The following STON1 variants were observed in gnomAD, a reference collection of about 807,000 sequenced individuals.
The protein encoded by STON1 is stonin 1, also known as stonin-1.
STON1 carries 79 observed loss-of-function variants against 60.9 expected under a neutral mutation model. That is an observed-to-expected ratio of 1.30 (90% CI 1.08 to 1.56). The LOEUF (loss-of-function observed/expected upper bound fraction) is 1.56. Among genes scored for constraint, STON1 ranks in the 40% most tolerant of loss-of-function variants. The pLI is 0.00. For synonymous variants in STON1, 363 were observed against 306.9 expected (o/e 1.18, Z -1.91); for missense variants, 1,166 against 858.9 (o/e 1.36, Z -4.47).
intron 3 of STON1, among the ~76,000 whole-genome samples, chr2:48,593,953 G>A (rs755026873): frequency 3.9e-5 from 6 of 152,188 alleles, no homozygotes; most frequent in African/African-American, 9.7e-5. Flanking sequence ...TGCCTTTCCT[G>A]AGGTCATGCC....
intron 1 of STON1, among the ~76,000 whole-genome samples, chr2:48,549,633 G>A (rs1672007241): frequency 6.6e-6 from 1 of 151,938 alleles, no homozygotes; most frequent in Non-Finnish European, 1.5e-5. Context: ...CCAACATGGT[G>A]AAACCCCTTC....
Position 48,554,880 on chromosome 2 carries a change from G to T in STON1, c.-48+24664G>T, listed in dbSNP as rs1007712673. Among the ~76,000 whole-genome samples, 2 of 72,516 alleles carry T rather than the reference G, an allele frequency of 2.8e-5. 1 individual carries two copies. Among genetic ancestry groups the T allele is most frequent in the Non-Finnish European group, 5.6e-5 (2 of 36,004 alleles). The allele number at this position is 72,516 out of a possible 152,430, so 47.6% of individuals were successfully genotyped here. ...TAGGCAGAGGACCCTGCGGCCTTCC[G>T]CAGTGTTTGTGTCCCTGATTACTTG... On this transcript the variant is annotated intron_variant, in intron 1 of 3. Coordinates refer to ENST00000404752, the MANE Select transcript of STON1 (RefSeq NM_006873.4).
In STON1 at chr2:48,581,148, A is replaced by C. The variant is rs1673857125; in HGVS notation, c.515A>C (p.Gln172Pro). The change falls in exon 2 of 4, where the codon CAG becomes CCG. Residue 172 changes from glutamine to proline, a missense_variant. Transcript: ENST00000404752. The stretch of plus-strand genomic sequence containing the variant: ...GGATTCCAAAGTGATGATCTCCCCC[A>C]GTTTCAGTATTTTCGAGAGGACTGT... The part of the protein sequence containing the change: ...SLGFQSDDLP[Q>P]FQYFREDCAF... 6.4e-7 allele frequency: 1 copy of C among 1,566,460 alleles called. No individual in the cohort carries two copies. Among genetic ancestry groups the C allele is most frequent in the Admixed American group, 2.1e-5 (1 of 48,738 alleles).
rs1355808992 is a variant in STON1, at chr2:48,581,325, A to G, written c.692A>G (p.Glu231Gly). The G allele has an allele frequency of 2.0e-6, 3 of 1,533,258 alleles. No individual in the cohort carries two copies. Among genetic ancestry groups the G allele is most frequent in the Middle Eastern group, 3.5e-4 (2 of 5,664 alleles). 95.0% of individuals were successfully genotyped at this position (1,533,258 alleles called of 1,614,324 possible). ...AAGTGTTCACTCAACTATATCTGTG[A>G]GAAGCTTGAACATCTCCAGTCAGCT... ...LNKCSLNYIC[E>G]KLEHLQSAEN... Residue 231 changes from glutamate (E) to glycine (G), a missense_variant, in exon 2 of 4, where the codon GAG becomes GGG. Coordinates refer to ENST00000404752, the MANE Select transcript of STON1 (RefSeq NM_006873.4).
intron 2 of STON1, among the ~76,000 whole-genome samples, chr2:48,584,305 A>T (rs913139185): frequency 6.6e-6 from 1 of 151,546 alleles, no homozygotes; most frequent in Non-Finnish European, 1.5e-5. Flanking sequence ...ATGGAGTCTT[A>T]CTCTGTTGCT....
intron 1 of STON1, among the ~76,000 whole-genome samples, chr2:48,536,581 G>C (rs964667737): frequency 2.1e-5 from 3 of 146,278 alleles, no homozygotes; most frequent in African/African-American, 5.0e-5. Context: ...AGTTAGAATA[G>C]TACCTGCTAT....
chr2:48,575,594 G>T (rs1452925609), intron 1 of STON1, among the ~76,000 whole-genome samples: 1 of 151,554 alleles, frequency 6.6e-6, no homozygotes, highest in East Asian at 2.0e-4. Flanking sequence ...CAGAGGTTGC[G>T]GTGAGCCGAG....
At chr2:48,583,972 A>C (rs566597025) in intron 2 of STON1, among the ~76,000 whole-genome samples, 56 of 151,734 alleles carry the variant, frequency 3.7e-4, no homozygotes, top group African/African-American at 1.3e-3. Context: ...GGTGGTCTCA[A>C]ACTCCTGACT....
chr2:48,554,082 G>A (rs897184147), intron 1 of STON1, among the ~76,000 whole-genome samples: 2 of 152,194 alleles, frequency 1.3e-5, no homozygotes, highest in African/African-American at 4.8e-5. Context: ...TCACCTTAGA[G>A]GTGGTGTGAG....
intron 2 of STON1, among the ~76,000 whole-genome samples, chr2:48,587,452 C>G (rs1441810105): frequency 1.3e-5 from 2 of 152,174 alleles, no homozygotes; most frequent in African/African-American, 4.8e-5. Context: ...ACCACCACGC[C>G]TGGCTAATTT....
At chr2:48,544,349 C>T (rs1671777678) in intron 1 of STON1, among the ~76,000 whole-genome samples, 1 of 152,096 alleles carries the variant, frequency 6.6e-6, no homozygotes, top group Admixed American at 6.5e-5. Context: ...AGAGCTAAGT[C>T]AGGAGTTTCA....
At chr2:48,576,127 A>C (rs1430750335) in intron 1 of STON1, among the ~76,000 whole-genome samples, 1 of 151,350 alleles carries the variant, frequency 6.6e-6, no homozygotes, top group Admixed American at 6.6e-5. Context: ...CATTGCCAGC[A>C]ACAATGCACA....
In STON1 at chr2:48,581,483, G is replaced by GAGA. The variant is rs769936366; in HGVS notation, c.858_860dup (p.Lys286dup). 6.2e-7 allele frequency: 1 copy of GAGA among 1,614,226 alleles called. No homozygotes were observed. The highest frequency in any genetic ancestry group is 2.2e-5 in the East Asian group (1 of 44,886). Reference sequence around the variant, plus strand: ...ATGGTCTTTCATGCTGAGAATTCCTGAGAAGAAGAATATGATGTCTTCCCG... The same window carrying GAGA: ...ATGGTCTTTCATGCTGAGAATTCCTGAGAAGAAGAAGAATATGATGTCTTCCCG... On this transcript the variant is annotated inframe_insertion, in exon 2 of 4. Transcript: ENST00000404752.
chr2:48,563,853 C>T (rs1209365015), intron 1 of STON1, among the ~76,000 whole-genome samples: 1 of 151,932 alleles, frequency 6.6e-6, no homozygotes, highest in Non-Finnish European at 1.5e-5. Flanking sequence ...GCCACCATGC[C>T]TGGCGAATTT....
At chr2:48,586,087 C>A (rs762035679) in intron 2 of STON1, among the ~76,000 whole-genome samples, 1 of 152,248 alleles carries the variant, frequency 6.6e-6, no homozygotes. Flanking sequence ...AAAGCCTGGC[C>A]AGGGTAACCA....
At chr2:48,538,669 C>T (rs1452490173) in intron 1 of STON1, among the ~76,000 whole-genome samples, 1 of 151,328 alleles carries the variant, frequency 6.6e-6, no homozygotes, top group East Asian at 1.9e-4. Flanking sequence ...GCGATCTCGG[C>T]TCACTGCAAC....
intron 2 of STON1, among the ~76,000 whole-genome samples, chr2:48,591,232 A>T (rs914857329): frequency 6.7e-6 from 1 of 149,800 alleles, no homozygotes; most frequent in African/African-American, 2.4e-5. Flanking sequence ...TAAAATAAAT[A>T]TTTAGCAAAT....
Position 48,564,405 on chromosome 2 carries a change from G to GTCTTCTTCTTCTTCTTCCTCT in STON1, c.-47-16165_-47-16164insCTCTTCTTCTTCTTCTTCTTC, listed in dbSNP as rs1553359256. Among the ~76,000 whole-genome samples the GTCTTCTTCTTCTTCTTCCTCT allele has an allele frequency of 2.0e-3, 165 of 83,038 alleles. 3 individuals are homozygous for GTCTTCTTCTTCTTCTTCCTCT. Among genetic ancestry groups the GTCTTCTTCTTCTTCTTCCTCT allele is most frequent in the Non-Finnish European group, 1.8e-3 (74 of 40,692 alleles). The allele number at this position is 83,038 out of a possible 152,430, so 54.5% of individuals were successfully genotyped here. A position where few individuals can be genotyped will look rare whatever the true frequency, so the allele number is the denominator to read the frequency against. ...TAGGTCCTCCAGTGGCAGTGGCGGT[G>GTCTTCTTCTTCTTCTTCCTCT]TCTTCTTCTTCTTCTTCTTCTTCTT... On this transcript the variant is annotated intron_variant, in intron 1 of 3. Transcript: ENST00000404752.
chr2:48,557,075 C>T (rs1453774809), intron 1 of STON1, among the ~76,000 whole-genome samples: 1 of 85,244 alleles, frequency 1.2e-5, no homozygotes, highest in Non-Finnish European at 2.5e-5. Flanking sequence ...GGGGGGCTGA[C>T]CCCCCCCCAC....
Sources: gnomAD v4.1 joint callset for allele counts (sites outside exome capture counted in the v4.1 genomes callset) on GRCh38, gnomAD v4.1.1 for gene constraint, MANE v1.5 for transcripts, NCBI Gene and HGNC (gene_info 2026-07-23, HGNC 2026-07-21) for gene names.